CSRNP3: variants seen among roughly 807,000 people sequenced by gnomAD.
The protein encoded by CSRNP3 is cysteine and serine rich nuclear protein 3.
Under a neutral mutation model 48.0 loss-of-function variants are expected in CSRNP3, and 12 were observed. The observed-to-expected ratio is 0.25, with a 90% CI of 0.16 to 0.41. The LOEUF is 0.41. Ranked by LOEUF, CSRNP3 falls within the 10% of genes least tolerant of loss-of-function variation. The probability of loss-of-function intolerance (pLI) is 1.00; values close to 1 mark genes in which losing one functional copy is unlikely to be tolerated. For synonymous variants in CSRNP3, 263 were observed against 269.7 expected, an observed-to-expected ratio of 0.98 and a Z score of 0.24; for missense variants, 580 against 724.4, an observed-to-expected ratio of 0.80 and a Z score of 2.29.
chr2:165,666,379 AAG>A lies in CSRNP3; in HGVS notation c.408+8371_408+8372del, dbSNP rs762524192. On this transcript the variant is annotated intron_variant, in intron 5 of 6. Coordinates refer to ENST00000651982, the MANE Select transcript of CSRNP3 (RefSeq NM_001172173.2). ...GGAAGGAAGGAAAGAGAGAGGAAGA[AAG>A]AGAGAGAGAGAAAGGAAGGAAGGGA... Among the ~76,000 whole-genome samples the A allele has an allele frequency of 6.5e-3, 355 of 54,962 alleles. 68 individuals are homozygous for A. Among genetic ancestry groups the A allele is most frequent in the South Asian group, 0.022 (19 of 866 alleles). 36.1% of individuals were successfully genotyped at this position (54,962 alleles called of 152,430 possible).
chr2:165,655,267 C>T (rs1416396223), intron 4 of CSRNP3, among the ~76,000 whole-genome samples: 1 of 152,158 alleles, frequency 6.6e-6, no homozygotes, highest in East Asian at 1.9e-4. Flanking sequence ...AGTGTGGCCT[C>T]AGCTGCATGC....
chr2:165,662,103 A>C (rs1176577874), intron 5 of CSRNP3, among the ~76,000 whole-genome samples: 1 of 152,228 alleles, frequency 6.6e-6, no homozygotes, highest in Non-Finnish European at 1.5e-5. Flanking sequence ...TAGATATTAT[A>C]GTACATCTAT....
At chr2:165,536,724 A>C (rs1381452296) in intron 3 of CSRNP3, among the ~76,000 whole-genome samples, 1 of 151,920 alleles carries the variant, frequency 6.6e-6, no homozygotes, top group African/African-American at 2.4e-5. Flanking sequence ...TACTTCTGGC[A>C]GAATCTGCTC....
chr2:165,617,837 G>A (rs1686276197), intron 4 of CSRNP3, among the ~76,000 whole-genome samples: 1 of 152,202 alleles, frequency 6.6e-6, no homozygotes, highest in Non-Finnish European at 1.5e-5. Flanking sequence ...TAGGGGTGTA[G>A]GGCACTGCAT....
chr2:165,580,821 CAAT>C (rs1199396117), intron 3 of CSRNP3, among the ~76,000 whole-genome samples: 1 of 150,520 alleles, frequency 6.6e-6, no homozygotes, highest in Admixed American at 6.6e-5. Flanking sequence ...TCCAGTGATG[CAAT>C]AATAATAATT....
chr2:165,581,478 A>G (rs116238729), intron 3 of CSRNP3, among the ~76,000 whole-genome samples: 116 of 152,244 alleles, frequency 7.6e-4, no homozygotes, highest in African/African-American at 2.6e-3. Context: ...ATTCTCAGAT[A>G]GTGGGGTCTG....
chr2:165,679,263 C>A lies in CSRNP3; in HGVS notation c.1268C>A (p.Ala423Glu). 1.9e-6 allele frequency: 3 copies of A among 1,613,876 alleles called. 1 individual carries two copies. In the African/African-American group the frequency reaches 4.0e-5, roughly 22 times the overall value. The change falls in exon 7 of 7, where the codon GCA becomes GAA. Residue 423 changes from alanine to glutamate, a missense_variant. Physicochemically the swap from Ala to Glu is moderately radical, Grantham distance 107 (BLOSUM62 -1). Around this residue, in one of 4 missense-constraint regions of CSRNP3, gnomAD observed 369 missense variants for 380.8 expected, o/e 0.97. Transcript: ENST00000651982. ...SDGTAVHESH[A>E]KNASFYANSS... is the part of the protein sequence containing the mutation. ...GGCACCGCCGTTCACGAAAGCCATG[C>A]AAAGAATGCTTCTTTTTATGCCAAC... is the stretch of plus-strand genomic sequence containing the variant.
intron 3 of CSRNP3, among the ~76,000 whole-genome samples, chr2:165,590,765 C>T (rs1277214467): frequency 1.3e-5 from 2 of 152,170 alleles, no homozygotes; most frequent in Non-Finnish European, 2.9e-5. Context: ...CCCCTTCTGC[C>T]ATAATTGTAA....
intron 3 of CSRNP3, among the ~76,000 whole-genome samples, chr2:165,527,192 G>C (rs112830306): frequency 7.5e-6 from 1 of 133,028 alleles, no homozygotes; most frequent in African/African-American, 2.8e-5. Flanking sequence ...GTATGACGCT[G>C]TTTGTACTTT....
intron 5 of CSRNP3, among the ~76,000 whole-genome samples, chr2:165,666,276 A>C (rs1258744491): frequency 7.3e-6 from 1 of 137,224 alleles, no homozygotes; most frequent in Admixed American, 7.2e-5. Flanking sequence ...GAGAGGAAGG[A>C]AGGAAAGGGA....
chr2:165,614,162 T>G (rs1436189863), intron 4 of CSRNP3, among the ~76,000 whole-genome samples: 4 of 152,160 alleles, frequency 2.6e-5, no homozygotes, highest in Admixed American at 2.0e-4. Flanking sequence ...TTACAATGTG[T>G]TAGATTTATT....
intron 2 of CSRNP3, among the ~76,000 whole-genome samples, chr2:165,512,837 GC>G (rs1684525206): frequency 6.6e-6 from 1 of 152,270 alleles, no homozygotes; most frequent in Non-Finnish European, 1.5e-5. Context: ...GGGCATGGCG[GC>G]TCACGCCTGT....
intron 3 of CSRNP3, among the ~76,000 whole-genome samples, chr2:165,568,549 G>GGT (rs1238631738): frequency 7.2e-5 from 11 of 152,112 alleles, no homozygotes; most frequent in Non-Finnish European, 1.6e-4. Flanking sequence ...CCTCAGGGCA[G>GGT]TGAATCCTCT....
intron 4 of CSRNP3, among the ~76,000 whole-genome samples, chr2:165,646,655 A>G (rs1686816516): frequency 6.6e-6 from 1 of 152,114 alleles, no homozygotes; most frequent in Non-Finnish European, 1.5e-5. Flanking sequence ...GATGGTGGTA[A>G]TGAATTGCAT....
At chr2:165,530,081 A>T (rs549840024) in intron 3 of CSRNP3, among the ~76,000 whole-genome samples, 3 of 152,324 alleles carry the variant, frequency 2.0e-5, no homozygotes, top group Non-Finnish European at 4.4e-5. Context: ...CAACATTGTC[A>T]TAGACTAGAA....
chr2:165,653,507 C>A (rs1686949733), intron 4 of CSRNP3, among the ~76,000 whole-genome samples: 1 of 152,122 alleles, frequency 6.6e-6, no homozygotes, highest in Non-Finnish European at 1.5e-5. Flanking sequence ...CTTCCAAACT[C>A]TAGCTTTTAG....
At chr2:165,609,982 T>G (rs1375924559) in intron 4 of CSRNP3, among the ~76,000 whole-genome samples, 1 of 152,202 alleles carries the variant, frequency 6.6e-6, no homozygotes, top group Non-Finnish European at 1.5e-5. Flanking sequence ...TAAAATATCA[T>G]GAGTCGAGAA....
In CSRNP3 at chr2:165,679,019, G is replaced by A. The variant is rs1471770260; in HGVS notation, c.1024G>A (p.Glu342Lys). ...TGAAGAATTAGATTGCCAAGGAGAGGAGGAGGAAGAAGAGGAGGATGGGAG... is the reference window on the plus strand; with the variant it reads ...TGAAGAATTAGATTGCCAAGGAGAGAAGGAGGAAGAAGAGGAGGATGGGAG... ...SAEELDCQGE[E>K]EEEEEDGSSF... is the part of the protein sequence containing the mutation. The change falls in exon 7 of 7, where the codon GAG becomes AAG. Residue 342 changes from glutamate (E) to lysine (K), a missense_variant. Physicochemically the swap from Glu to Lys is moderately conservative, Grantham distance 56. Around this residue, in one of 4 missense-constraint regions of CSRNP3, gnomAD observed 369 missense variants for 380.8 expected, o/e 0.97. Transcript: ENST00000651982. 6.2e-7 allele frequency: 1 copy of A among 1,613,866 alleles called. No homozygotes were observed. Among genetic ancestry groups the A allele is most frequent in the Non-Finnish European group, 8.5e-7 (1 of 1,180,000 alleles).
At chr2:165,564,854 G>A (rs183449795) in intron 3 of CSRNP3, among the ~76,000 whole-genome samples, 2 of 151,916 alleles carry the variant, frequency 1.3e-5, no homozygotes, top group Admixed American at 6.6e-5. Context: ...AAATTTTTTT[G>A]TATTTAAAAC....
Sources: gnomAD v4.1 joint callset for allele counts (sites outside exome capture counted in the v4.1 genomes callset) on GRCh38, gnomAD v4.1.1 for gene constraint, gnomAD v4.1.1 regional missense constraint, MANE v1.5 for transcripts, NCBI Gene and HGNC (gene_info 2026-07-23, HGNC 2026-07-21) for gene names.